Variants in RRN3 observed in about 807,000 individuals in gnomAD.
RRN3 encodes the protein RNA polymerase I-specific transcription initiation factor RRN3.
A neutral mutation model predicts 82.3 loss-of-function variants in RRN3; 38 were observed. That is an observed-to-expected ratio of 0.46 (90% CI 0.36 to 0.61). The LOEUF (loss-of-function observed/expected upper bound fraction) is 0.61. RRN3 is among the 20% of genes least tolerant of loss of function. The pLI is 0.00. For missense variants in RRN3, 726 were observed against 793.1 expected (o/e 0.92, Z 1.02); for synonymous variants, 284 against 284.3 (o/e 1.00, Z 0.01).
intron 14 of RRN3, among the ~76,000 whole-genome samples, chr16:15,069,509 T>A (rs377577442): frequency 1.1e-4 from 17 of 152,162 alleles, no homozygotes; most frequent in East Asian, 5.8e-4. Context: ...TATAAGTAAC[T>A]CTTAGAAATT....
At chr16:15,063,828 C>T (rs1045665503) in intron 16 of RRN3, among the ~76,000 whole-genome samples, 30 of 152,048 alleles carry the variant, frequency 2.0e-4, no homozygotes, top group African/African-American at 1.7e-4. Flanking sequence ...ATTGAACTAC[C>T]GTTTTTCATC....
intron 12 of RRN3, 77 bp from the exon 13 acceptor site, chr16:15,071,328 A>G: frequency 7.2e-7 from 1 of 1,387,636 alleles, no homozygotes; most frequent in Non-Finnish European, 9.8e-7. Flanking sequence ...CAAGATTTTT[A>G]CTTCACCAAT....
At chr16:15,092,487 C>T in intron 2 of RRN3, 22 bp downstream of exon 2, 1 of 1,529,040 alleles carries the variant, frequency 6.5e-7, no homozygotes, top group Non-Finnish European at 9.1e-7. Flanking sequence ...AAAAGCAAAC[C>T]TCACACATTA....
chr16:15,074,199 C>G (rs1411932362), intron 11 of RRN3, among the ~76,000 whole-genome samples: 1 of 152,186 alleles, frequency 6.6e-6, no homozygotes, highest in Non-Finnish European at 1.5e-5. Context: ...GTAATGCAGT[C>G]AACTCAGATT....
At chr16:15,092,727 C>T in intron 1 of RRN3, 113 bp from the exon 2 acceptor site, 1 of 692,972 alleles carries the variant, frequency 1.4e-6, no homozygotes, top group Non-Finnish European at 2.5e-6. Flanking sequence ...GGCCTCTTTA[C>T]TGGTCTCCCT....
At chr16:15,079,089 C>T (rs922183460) in intron 9 of RRN3, among the ~76,000 whole-genome samples, 1 of 152,096 alleles carries the variant, frequency 6.6e-6, no homozygotes, top group Non-Finnish European at 1.5e-5. Context: ...GGATTACATG[C>T]GTGAGCCACC....
In RRN3 at chr16:15,060,218, G is replaced by A. The variant is rs75342816; in HGVS notation, c.*1526C>T. On this transcript the variant is annotated 3_prime_UTR_variant, in exon 18 of 18. Transcript: ENST00000198767. ...GACCCCACTTACTACTAATTTCTGGGGAATTTCGTTTACTCGTTTTATCTA... is the reference window on the plus strand; with the variant it reads ...GACCCCACTTACTACTAATTTCTGGAGAATTTCGTTTACTCGTTTTATCTA... The A allele has an allele frequency of 0.01, 3,733 of 369,018 alleles. 29 individuals are homozygous for A. Among genetic ancestry groups the A allele is most frequent in the Admixed American group, 0.014 (427 of 29,684 alleles). 22.9% of individuals were successfully genotyped at this position (369,018 alleles called of 1,614,324 possible).
At chr16:15,090,204 T>C (rs2046077294) in intron 3 of RRN3, among the ~76,000 whole-genome samples, 1 of 149,384 alleles carries the variant, frequency 6.7e-6, no homozygotes, top group Non-Finnish European at 1.5e-5. Flanking sequence ...GAAGGAGACT[T>C]TGTCTTAAAA....
In RRN3 at chr16:15,063,141, G is replaced by C; in HGVS notation, c.1794+55C>G. 6.2e-6 allele frequency: 8 copies of C among 1,299,210 alleles called. No individual in the cohort carries two copies. In the South Asian group the frequency reaches 9.4e-5, roughly 15 times the overall value. The allele number at this position is 1,299,210 out of a possible 1,614,324, so 80.5% of individuals were successfully genotyped here. ...GACTTGCCACTTACTATCTCACTGTGACCTGGAACCAGAAAGGAGATTCCG... is the reference window on the plus strand; with the variant it reads ...GACTTGCCACTTACTATCTCACTGTCACCTGGAACCAGAAAGGAGATTCCG... On this transcript the variant is annotated intron_variant, in intron 17 of 17. Transcript: ENST00000198767.
chr16:15,079,910 T>C (rs1276114135), intron 9 of RRN3, 88 bp downstream of exon 9: 2 of 1,362,474 alleles, frequency 1.5e-6, no homozygotes, highest in Non-Finnish European at 2.0e-6. Flanking sequence ...TGGATTCTTT[T>C]CTATCACTGA....
In RRN3 at chr16:15,080,065, C is replaced by T. The variant is rs770133244; in HGVS notation, c.698G>A (p.Ser233Asn). The T allele has an allele frequency of 3.1e-6, 5 of 1,601,850 alleles. No individual in the cohort carries two copies. The highest frequency in any genetic ancestry group is 4.3e-6 in the Non-Finnish European group (5 of 1,174,428). Residue 233 changes from serine (S) to asparagine (N), a missense_variant, in exon 9 of 18, where the codon AGT becomes AAT. Physicochemically the swap from Ser to Asn is conservative, Grantham distance 46. This residue lies in a region of RRN3 where 344 missense variants were observed against 394.5 expected (regional missense o/e 0.87). Transcript: ENST00000198767. ...ATGCCTCAAGGTTGGAAAATATACA[C>T]TAATCCTTAGTAAGTTATGAACGTA... ...ECYVHNLLRI[S>N]VYFPTLRHEI...
rs1320066188 is a variant in RRN3 at position 15,079,752 on chromosome 16, C to G, written c.765+246G>C. ...GGATTACAGGCACCCACCATCATGC[C>G]TGGCTAATTTTTTATTTGTATTTTT... On this transcript the variant is annotated intron_variant, in intron 9 of 17. Coordinates refer to ENST00000198767, the MANE Select transcript of RRN3 (RefSeq NM_018427.5). Among the ~76,000 whole-genome samples the G allele has an allele frequency of 3.3e-5, 5 of 152,176 alleles. No individual in the cohort carries two copies. The East Asian group carries it at 7.7e-4, about 23-fold the overall frequency.
chr16:15,065,957 C>T (rs1214733009), intron 15 of RRN3, among the ~76,000 whole-genome samples: 1 of 152,242 alleles, frequency 6.6e-6, no homozygotes, highest in Non-Finnish European at 1.5e-5. Context: ...TAGAAGAAAA[C>T]ATAAAATAAA....
chr16:15,064,000 CT>C (rs1381738423), intron 16 of RRN3, among the ~76,000 whole-genome samples: 1 of 152,186 alleles, frequency 6.6e-6, no homozygotes, highest in Admixed American at 6.5e-5. Flanking sequence ...AACAACTAAT[CT>C]GGTTTCAGTC....
In RRN3 at chr16:15,074,771, G is replaced by A. The variant is rs150785898; in HGVS notation, c.949C>T (p.Leu317=). 4.9e-5 allele frequency: 79 copies of A among 1,614,068 alleles called. No homozygotes were observed. In the East Asian group the frequency reaches 1.7e-3, roughly 34 times the overall value. The change falls in exon 11 of 18, where the codon CTG becomes TTG. Residue 317 remains leucine, a synonymous_variant. Transcript: ENST00000198767. ...VHPVAERLDI[L]MSLVLSYMKD... is the part of the protein sequence containing the mutation. Reference sequence around the variant, plus strand: ...ATGTAGGACAAAACCAAAGACATCAGGATGTCCAGGCGCTCGGCTACAGGA... The same window carrying A: ...ATGTAGGACAAAACCAAAGACATCAAGATGTCCAGGCGCTCGGCTACAGGA...
At chr16:15,080,920 G>A (rs1466372473) in intron 8 of RRN3, among the ~76,000 whole-genome samples, 1 of 151,322 alleles carries the variant, frequency 6.6e-6, no homozygotes, top group Non-Finnish European at 1.5e-5. Context: ...TCATATCAAT[G>A]GAGTCATACA....
At chr16:15,076,116 C>G (rs969026844) in intron 10 of RRN3, among the ~76,000 whole-genome samples, 1 of 152,192 alleles carries the variant, frequency 6.6e-6, no homozygotes, top group African/African-American at 2.4e-5. Flanking sequence ...CTGCCCTCTT[C>G]TGCTCCCTGA....
intron 11 of RRN3, 94 bp downstream of exon 11, chr16:15,074,629 T>C: frequency 1.1e-6 from 1 of 884,436 alleles, no homozygotes; most frequent in Non-Finnish European, 1.6e-6. Context: ...TTTTACAGGA[T>C]TTTTAGTATT....
intron 3 of RRN3, among the ~76,000 whole-genome samples, chr16:15,088,402 G>A (rs1338290958): frequency 2.6e-5 from 4 of 152,104 alleles, no homozygotes; most frequent in Admixed American, 6.5e-5. Context: ...GGGAGGTTGA[G>A]GCTGCAGTGA....
Sources: allele counts gnomAD v4.1 joint callset (sites outside exome capture counted in the v4.1 genomes callset), GRCh38; gene constraint gnomAD v4.1.1; regional missense constraint gnomAD v4.1.1; transcripts MANE v1.5; gene names NCBI Gene and HGNC (gene_info 2026-07-23, HGNC 2026-07-21).